DGKD: variants seen among roughly 807,000 people sequenced by gnomAD.
DGKD encodes DAG kinase delta.
DGKD carries 68 observed loss-of-function variants against 154.4 expected under a neutral mutation model. The observed-to-expected ratio is 0.44, with a 90% CI of 0.36 to 0.54. DGKD has a LOEUF of 0.54. Ranked by LOEUF, DGKD falls within the 20% of genes least tolerant of loss-of-function variation. DGKD has a pLI of 0.00. For missense variants in DGKD, 1,343 were observed against 1,593.6 expected (o/e 0.84, Z 2.68); for synonymous variants, 693 against 638.0 (o/e 1.09, Z -1.30).
At chr2:233,442,971 G>A (rs1250967157) in intron 10 of DGKD, among the ~76,000 whole-genome samples, 1 of 152,152 alleles carries the variant, frequency 6.6e-6, no homozygotes, top group Non-Finnish European at 1.5e-5. Flanking sequence ...CTGTAAGTAG[G>A]CATCTGTGTG....
chr2:233,467,295 C>A, intron 28 of DGKD, 92 bp downstream of exon 28: 1 of 914,942 alleles, frequency 1.1e-6, no homozygotes, highest in Non-Finnish European at 1.8e-6. Context: ...CTTGGCCTTG[C>A]AGCTCCTCCC....
Position 233,445,755 on chromosome 2 carries a change from C to T in DGKD, c.1327C>T (p.Leu443=). 1.2e-6 allele frequency: 2 copies of T among 1,611,948 alleles called. No individual in the cohort carries two copies. Among genetic ancestry groups the T allele is most frequent in the Non-Finnish European group, 1.7e-6 (2 of 1,178,858 alleles). ...EKLERASTKM[L]DRWSVMAYEA... is the part of the protein sequence containing the mutation. ...GTTGGAGAGAGCCAGCACCAAGATG[C>T]TGGACAGGTGAGTGGGGATGTGCTC... The change falls in exon 11 of 30, where the codon CTG becomes TTG. Residue 443 remains leucine, a synonymous_variant. Transcript: ENST00000264057. The surrounding 1 kb of genome is among the most constrained non-coding windows in gnomAD (Gnocchi z 5.5).
chr2:233,439,126 T>C (rs2125604588), intron 9 of DGKD, among the ~76,000 whole-genome samples: 1 of 152,358 alleles, frequency 6.6e-6, no homozygotes, highest in Middle Eastern at 3.4e-3. Flanking sequence ...TTTGAATGAA[T>C]TTCTTCCTCT....
intron 3 of DGKD, among the ~76,000 whole-genome samples, chr2:233,417,163 G>A (rs2125533035): frequency 6.6e-6 from 1 of 152,270 alleles, no homozygotes; most frequent in East Asian, 1.9e-4. Context: ...CTCCTGAGTA[G>A]CTGGGACTAG....
intron 19 of DGKD, among the ~76,000 whole-genome samples, chr2:233,456,418 T>C (rs1177436734): frequency 6.6e-6 from 1 of 152,242 alleles, no homozygotes; most frequent in African/African-American, 2.4e-5. Flanking sequence ...GAAATTAATA[T>C]GCAAAGAAGA....
At position 233,446,772 on chromosome 2, in the gene DGKD, C is replaced by A; in HGVS notation, c.1395C>A (p.Thr465=). 6.2e-7 allele frequency: 1 copy of A among 1,614,206 alleles called. No homozygotes were observed. Among genetic ancestry groups the A allele is most frequent in the Non-Finnish European group, 8.5e-7 (1 of 1,180,040 alleles). ...GGCAGGCCTCCTCCTCTACCGTCACCGAAGACTTCAGCGAGGATTCCGAGG... is the reference window on the plus strand; with the variant it reads ...GGCAGGCCTCCTCCTCTACCGTCACAGAAGACTTCAGCGAGGATTCCGAGG... ...LPRQASSSTV[T]EDFSEDSEVQ... is the part of the protein sequence containing the mutation. The change falls in exon 12 of 30, where the codon ACC becomes ACA. Residue 465 remains threonine, a synonymous_variant. Coordinates refer to ENST00000264057, the MANE Select transcript of DGKD (RefSeq NM_152879.3).
At chr2:233,467,561 G>C (rs1222939574) in intron 28 of DGKD, among the ~76,000 whole-genome samples, 1 of 152,250 alleles carries the variant, frequency 6.6e-6, no homozygotes, top group Non-Finnish European at 1.5e-5. Context: ...GCTCCCTCCT[G>C]GGCTGCTGGT....
chr2:233,466,573 G>A (rs1444986939), intron 27 of DGKD, among the ~76,000 whole-genome samples: 1 of 152,144 alleles, frequency 6.6e-6, no homozygotes, highest in African/African-American at 2.4e-5. Flanking sequence ...GCCGCCGATG[G>A]CTGTCAAGAG....
chr2:233,358,252 G>A (rs549836401), intron 1 of DGKD, among the ~76,000 whole-genome samples: 29 of 152,324 alleles, frequency 1.9e-4, no homozygotes, highest in African/African-American at 6.3e-4. Flanking sequence ...GTGAAGAACC[G>A]TGTAATTCTG....
At chr2:233,374,154 G>A (rs1702459141) in intron 1 of DGKD, among the ~76,000 whole-genome samples, 1 of 151,728 alleles carries the variant, frequency 6.6e-6, no homozygotes, top group Non-Finnish European at 1.5e-5. Context: ...GGGTTCAAGT[G>A]ATTCTCCTGC....
chr2:233,431,432 A>G (rs962974033), intron 3 of DGKD, among the ~76,000 whole-genome samples: 5 of 152,358 alleles, frequency 3.3e-5, no homozygotes, highest in South Asian at 2.1e-4. Context: ...TGCAATTCCT[A>G]TTAAAATACC....
Position 233,450,941 on chromosome 2 carries a change from A to AAAGCTGATCAGCAAAGGGAGTC in DGKD, c.2059_2080dup (p.Leu694GlnfsTer58). 1 of 1,605,404 alleles carries AAAGCTGATCAGCAAAGGGAGTC rather than the reference A, an allele frequency of 6.2e-7. No homozygotes were observed. Among genetic ancestry groups the AAAGCTGATCAGCAAAGGGAGTC allele is most frequent in the Non-Finnish European group, 8.5e-7 (1 of 1,172,646 alleles). On this transcript the variant is annotated frameshift_variant, in exon 17 of 30. Coordinates refer to ENST00000264057, the MANE Select transcript of DGKD (RefSeq NM_152879.3). LOFTEE classifies it high-confidence loss of function. Reference sequence around the variant, plus strand: ...TTACAGTGTCGAAATCTCCGTGTGAAAAGCTGATCAGCAAAGGGAGTCTGT... The same window carrying AAAGCTGATCAGCAAAGGGAGTC: ...TTACAGTGTCGAAATCTCCGTGTGAAAAGCTGATCAGCAAAGGGAGTCAAGCTGATCAGCAAAGGGAGTCTGT...
At chr2:233,427,760 T>C (rs1020053232) in intron 3 of DGKD, among the ~76,000 whole-genome samples, 4 of 152,250 alleles carry the variant, frequency 2.6e-5, no homozygotes, top group African/African-American at 9.6e-5. Context: ...CAAAGACTTT[T>C]CTTTGTGAAG....
rs967219104 is a variant in DGKD, at chr2:233,469,721, A to G, written c.*261A>G. 1.5e-5 allele frequency: 7 copies of G among 480,180 alleles called. No individual in the cohort carries two copies. Among genetic ancestry groups the G allele is most frequent in the African/African-American group, 7.8e-5 (4 of 51,002 alleles). The allele number at this position is 480,180 out of a possible 1,614,324, so 29.7% of individuals were successfully genotyped here. A position where few individuals can be genotyped will look rare whatever the true frequency, so the allele number is the denominator to read the frequency against. ...TCCAGCTCAGAGTCACCTGGGGCAC[A>G]TGTGTCACGGCCACTCAGCTCTCGC... On this transcript the variant is annotated 3_prime_UTR_variant, in exon 30 of 30. Transcript: ENST00000264057.
chr2:233,357,911 C>T (rs1701603991), intron 1 of DGKD, among the ~76,000 whole-genome samples: 1 of 152,162 alleles, frequency 6.6e-6, no homozygotes, highest in African/African-American at 2.4e-5. Flanking sequence ...AAAAACAAGA[C>T]CTTATGGCAC....
intron 3 of DGKD, among the ~76,000 whole-genome samples, chr2:233,427,685 C>T (rs1459366485): frequency 1.3e-5 from 2 of 152,218 alleles, no homozygotes; most frequent in Non-Finnish European, 2.9e-5. Context: ...TAAGTTGATT[C>T]AGGGGTGTGA....
At chr2:233,373,485 G>A (rs1170743643) in intron 1 of DGKD, among the ~76,000 whole-genome samples, 1 of 152,210 alleles carries the variant, frequency 6.6e-6, no homozygotes, top group Non-Finnish European at 1.5e-5. Flanking sequence ...GAGGGGCTGT[G>A]TTGTGACGTG....
intron 3 of DGKD, among the ~76,000 whole-genome samples, chr2:233,427,213 GGTTTC>G (rs2062334984): frequency 6.6e-6 from 1 of 151,664 alleles, no homozygotes; most frequent in African/African-American, 2.4e-5. Flanking sequence ...CCAGTGTGTA[GGTTTC>G]CATGCAGTCA....
At chr2:233,400,402 C>T (rs1307321185) in intron 3 of DGKD, among the ~76,000 whole-genome samples, 1 of 152,178 alleles carries the variant, frequency 6.6e-6, no homozygotes, top group African/African-American at 2.4e-5. Flanking sequence ...CATTTCCACT[C>T]CCACAGGGCC....
Sources: allele counts gnomAD v4.1 joint callset (sites outside exome capture counted in the v4.1 genomes callset), GRCh38; gene constraint gnomAD v4.1.1; non-coding constraint Gnocchi (gnomAD v3.1); transcripts MANE v1.5; gene names NCBI Gene and HGNC (gene_info 2026-07-23, HGNC 2026-07-21).